SLC35D4: variants seen among roughly 807,000 people sequenced by gnomAD.
The protein encoded by SLC35D4 is UDP-N-acetylglucosamine transporter SLC35D4.
At chr18:23,356,477 C>T in the SLC35D4 span, 2 of 1,027,992 alleles carry the variant, frequency 1.9e-6, no homozygotes, top group East Asian at 4.9e-5. This position sits in a 1 kb window ranked among gnomAD's most constrained non-coding sequence, Gnocchi z 4.1. Context: ...TTGCCTGCAT[C>T]CACCACCACT....
At chr18:23,248,772 C>G in the SLC35D4 span, among the ~76,000 whole-genome samples, 2 of 152,168 alleles carry the variant, frequency 1.3e-5, no homozygotes, top group Admixed American at 6.5e-5. Context: ...GTGCAGTGAT[C>G]TGAGATCACA....
chr18:23,363,546 T>G, the SLC35D4 span, among the ~76,000 whole-genome samples: 1 of 151,266 alleles, frequency 6.6e-6, no homozygotes. Flanking sequence ...GGCTAATTTT[T>G]TGTATTTTTA....
the SLC35D4 span, among the ~76,000 whole-genome samples, chr18:23,391,636 T>A: frequency 2.0e-5 from 3 of 152,040 alleles, no homozygotes; most frequent in African/African-American, 7.2e-5. Context: ...TAGAGGCACA[T>A]GCCACCAGGT....
the SLC35D4 span, among the ~76,000 whole-genome samples, chr18:23,350,541 T>A: frequency 1.3e-5 from 2 of 152,148 alleles, no homozygotes; most frequent in East Asian, 1.9e-4. Context: ...ACTGCTCATA[T>A]ACACAGACTA....
the SLC35D4 span, among the ~76,000 whole-genome samples, chr18:23,406,366 G>T: frequency 6.6e-5 from 10 of 152,220 alleles, no homozygotes; most frequent in East Asian, 1.9e-3. Context: ...ACAAGTCCAG[G>T]GCAAAGGGTT....
At chr18:23,437,630 C>G in the SLC35D4 span, 1 of 747,902 alleles carries the variant, frequency 1.3e-6, no homozygotes, top group Non-Finnish European at 2.2e-6. Context: ...TCTGAAAGAG[C>G]ATCCCACACA....
the SLC35D4 span, among the ~76,000 whole-genome samples, chr18:23,307,341 C>T: frequency 1.3e-5 from 2 of 152,214 alleles, no homozygotes; most frequent in Non-Finnish European, 2.9e-5. Flanking sequence ...ACCGTTTAAA[C>T]TCTCCATTAC....
the SLC35D4 span, among the ~76,000 whole-genome samples, chr18:23,247,831 TGACTG>T: frequency 2.6e-5 from 4 of 152,176 alleles, no homozygotes; most frequent in African/African-American, 4.8e-5. Context: ...ACCTAGAAGA[TGACTG>T]GAGAGCCTCG....
the SLC35D4 span, among the ~76,000 whole-genome samples, chr18:23,264,353 C>CTTTTT: frequency 1.8e-5 from 1 of 56,064 alleles, no homozygotes; most frequent in Non-Finnish European, 3.6e-5. Flanking sequence ...CACTTTATTC[C>CTTTTT]TTTTTTTTTT....
At chr18:23,252,915 G>A in the SLC35D4 span, 307 of 1,307,446 alleles carry the variant, frequency 2.3e-4, 3 homozygotes, top group South Asian at 3.2e-3. Flanking sequence ...TATTACATAC[G>A]ACCCTTGTTT....
the SLC35D4 span, among the ~76,000 whole-genome samples, chr18:23,278,257 C>A: frequency 4.2e-4 from 64 of 152,136 alleles, no homozygotes; most frequent in Non-Finnish European, 7.9e-4. Context: ...CTGAACCCTC[C>A]CAGAAGGCGC....
chr18:23,289,027 TA>T, the SLC35D4 span, among the ~76,000 whole-genome samples: 1 of 152,196 alleles, frequency 6.6e-6, no homozygotes, highest in Non-Finnish European at 1.5e-5. Flanking sequence ...TCCTTTTTAT[TA>T]GGCCCCAGTC....
the SLC35D4 span, among the ~76,000 whole-genome samples, chr18:23,430,297 C>T: frequency 6.6e-6 from 1 of 151,698 alleles, no homozygotes; most frequent in Non-Finnish European, 1.5e-5. Flanking sequence ...TGGTCCTGAA[C>T]TCCTGGCCTC....
the SLC35D4 span, among the ~76,000 whole-genome samples, chr18:23,372,493 TC>T: frequency 6.6e-6 from 1 of 152,174 alleles, no homozygotes; most frequent in African/African-American, 2.4e-5. Flanking sequence ...AATTCTAAAA[TC>T]CCCACTTATT....
At chr18:23,419,350 T>G in the SLC35D4 span, among the ~76,000 whole-genome samples, 1 of 152,060 alleles carries the variant, frequency 6.6e-6, no homozygotes. Context: ...TGGAGTGCAG[T>G]GGCGCAATCT....
the SLC35D4 span, among the ~76,000 whole-genome samples, chr18:23,242,162 T>C: frequency 1.3e-5 from 2 of 152,026 alleles, no homozygotes; most frequent in African/African-American, 2.4e-5. Flanking sequence ...CCTGTAATCC[T>C]GGCTACTCAG....
chr18:23,404,064 G>A, the SLC35D4 span, among the ~76,000 whole-genome samples: 1 of 152,110 alleles, frequency 6.6e-6, no homozygotes, highest in East Asian at 1.9e-4. Context: ...ATTGCAGTGA[G>A]CCGAGACTGT....
the SLC35D4 span, among the ~76,000 whole-genome samples, chr18:23,373,135 G>GA: frequency 6.6e-6 from 1 of 152,156 alleles, no homozygotes; most frequent in Non-Finnish European, 1.5e-5. Flanking sequence ...CCAAGATGGA[G>GA]AAACCTCATC....
chr18:23,246,492 C>T, the SLC35D4 span, among the ~76,000 whole-genome samples: 30 of 151,914 alleles, frequency 2.0e-4, no homozygotes, highest in South Asian at 2.5e-3. Context: ...CCCGGGTTCA[C>T]GCCATTCTCC....
Sources: gnomAD v4.1 joint callset for allele counts (sites outside exome capture counted in the v4.1 genomes callset) on GRCh38, gnomAD v4.1.1 for gene constraint, Gnocchi (gnomAD v3.1) non-coding constraint, MANE v1.5 for transcripts, NCBI Gene and HGNC (gene_info 2026-07-23, HGNC 2026-07-21) for gene names.